The following SLC9B1 variants were observed in gnomAD, a reference collection of about 807,000 sequenced individuals.
SLC9B1 encodes the protein sodium/hydrogen exchanger 9B1.
A neutral mutation model predicts 51.7 loss-of-function variants in SLC9B1; 32 were observed. The ratio of observed to expected loss-of-function variants is 0.62; its 90% CI spans 0.47 to 0.83. SLC9B1 has a LOEUF of 0.83. Ranked by LOEUF, SLC9B1 falls within the 40% of genes least tolerant of loss-of-function variation. The probability of loss-of-function intolerance (pLI) is 0.00; values close to 1 mark genes in which losing one functional copy is unlikely to be tolerated. For synonymous variants in SLC9B1, 145 were observed against 212.7 expected (o/e 0.68, Z 2.77); for missense variants, 406 against 613.2 (o/e 0.66, Z 3.57).
chr4:102,987,790 C>T (rs1300576885), intron 3 of SLC9B1, among the ~76,000 whole-genome samples: 1 of 152,104 alleles, frequency 6.6e-6, no homozygotes, highest in Admixed American at 6.6e-5. Flanking sequence ...GGTTTTTGTA[C>T]CCTGCTCCTG....
intron 3 of SLC9B1, among the ~76,000 whole-genome samples, chr4:102,975,391 C>G (rs1190044192): frequency 6.6e-6 from 1 of 151,632 alleles, no homozygotes; most frequent in African/African-American, 2.4e-5. Context: ...AAGCCAGGAA[C>G]TCAAGTTTTT....
intron 1 of SLC9B1, among the ~76,000 whole-genome samples, chr4:103,009,804 G>T (rs947559508): frequency 2.6e-5 from 4 of 152,114 alleles, no homozygotes; most frequent in African/African-American, 9.7e-5. Context: ...TCAGATAAAA[G>T]ATTAACACAA....
chr4:102,892,415 T>C (rs183447777), intron 11 of SLC9B1: 1 of 152,316 alleles, frequency 6.6e-6, no homozygotes, highest in African/African-American at 2.4e-5. Context: ...AAGCATCACT[T>C]TAATATAAAA....
At chr4:102,957,994 C>T (rs1737895928) in intron 3 of SLC9B1, among the ~76,000 whole-genome samples, 1 of 152,068 alleles carries the variant, frequency 6.6e-6, no homozygotes, top group African/African-American at 2.4e-5. Flanking sequence ...ATTATAACCC[C>T]CAAAGGTACT....
intron 7 of SLC9B1, among the ~76,000 whole-genome samples, chr4:102,926,976 A>T (rs6843122): frequency 6.6e-6 from 1 of 151,864 alleles, no homozygotes; most frequent in African/African-American, 2.4e-5. Context: ...CTTTGACAAA[A>T]CTGAGAAAAA....
intron 1 of SLC9B1, among the ~76,000 whole-genome samples, chr4:103,006,061 C>T (rs1258777403): frequency 2.6e-5 from 4 of 151,828 alleles, no homozygotes; most frequent in Non-Finnish European, 5.9e-5. Context: ...GCAAACCAAC[C>T]CCAAGGTTAG....
At chr4:102,986,264 T>TC (rs1005279733) in intron 3 of SLC9B1, among the ~76,000 whole-genome samples, 8 of 111,674 alleles carry the variant, frequency 7.2e-5, no homozygotes, top group South Asian at 2.8e-4. Flanking sequence ...GTTTTTTTTT[T>TC]TTTCTCTCTC....
intron 11 of SLC9B1, among the ~76,000 whole-genome samples, chr4:102,903,389 G>A (rs527551605): frequency 1.3e-5 from 2 of 152,304 alleles, no homozygotes; most frequent in African/African-American, 4.8e-5. Context: ...ATATGCCAGA[G>A]AGAGTGCTAA....
At chr4:102,885,836 C>T (rs1733882519) in intron 11 of SLC9B1, among the ~76,000 whole-genome samples, 2 of 152,120 alleles carry the variant, frequency 1.3e-5, no homozygotes, top group African/African-American at 2.4e-5. Flanking sequence ...TTTGTTTTAA[C>T]CTGATACATC....
intron 3 of SLC9B1, among the ~76,000 whole-genome samples, chr4:102,968,023 CA>C (rs1305898048): frequency 6.6e-6 from 1 of 151,986 alleles, no homozygotes; most frequent in Non-Finnish European, 1.5e-5. Flanking sequence ...TATAGAAATA[CA>C]AAAATACCTA....
intron 7 of SLC9B1, among the ~76,000 whole-genome samples, chr4:102,929,211 A>G (rs1374379596): frequency 2.6e-5 from 4 of 152,230 alleles, no homozygotes; most frequent in Admixed American, 2.0e-4. Flanking sequence ...TTTCTTTAAT[A>G]TACAAGCTCC....
intron 3 of SLC9B1, among the ~76,000 whole-genome samples, chr4:102,955,222 T>G (rs1180901354): frequency 6.6e-6 from 1 of 152,216 alleles, no homozygotes; most frequent in Non-Finnish European, 1.5e-5. Context: ...CAAGATCTGA[T>G]GGCTTTATCA....
intron 6 of SLC9B1, among the ~76,000 whole-genome samples, chr4:102,940,204 C>G (rs1395734612): frequency 1.8e-4 from 28 of 152,144 alleles, no homozygotes; most frequent in Admixed American, 1.8e-3. Context: ...TTTCTATACA[C>G]CAACAACATC....
At chr4:102,969,593 G>A (rs1410243089) in intron 3 of SLC9B1, among the ~76,000 whole-genome samples, 4 of 152,166 alleles carry the variant, frequency 2.6e-5, no homozygotes, top group East Asian at 1.9e-4. Flanking sequence ...CCAAAGGATC[G>A]GAGCTCCTCG....
At chr4:103,007,751 T>G (rs1446178596) in intron 1 of SLC9B1, among the ~76,000 whole-genome samples, 1 of 151,856 alleles carries the variant, frequency 6.6e-6, no homozygotes, top group Admixed American at 6.6e-5. Flanking sequence ...ACTACAGACA[T>G]GTCATGTCTG....
intron 3 of SLC9B1, among the ~76,000 whole-genome samples, chr4:102,960,076 G>A (rs1738023041): frequency 6.6e-6 from 1 of 150,864 alleles, no homozygotes. Flanking sequence ...ACTAGTGTCA[G>A]GAAAAAAGAA....
chr4:102,995,197 C>A (rs895024704), intron 1 of SLC9B1, among the ~76,000 whole-genome samples: 1 of 152,062 alleles, frequency 6.6e-6, no homozygotes, highest in Non-Finnish European at 1.5e-5. Flanking sequence ...GGCAAAGCAG[C>A]CAATCAAAAC....
chr4:102,923,750 T>A (rs1736006779), intron 7 of SLC9B1, among the ~76,000 whole-genome samples: 2 of 152,078 alleles, frequency 1.3e-5, no homozygotes, highest in South Asian at 4.2e-4. Flanking sequence ...ATCACAAGCA[T>A]TCTTATACAC....
At chr4:102,989,708 T>C in intron 3 of SLC9B1, 92 bp downstream of exon 3, 1 of 805,024 alleles carries the variant, frequency 1.2e-6, no homozygotes, top group Admixed American at 3.4e-5. Flanking sequence ...CTGGAGTATA[T>C]TGATTAAGTA....
Sources: allele counts gnomAD v4.1 joint callset (sites outside exome capture counted in the v4.1 genomes callset), GRCh38; gene constraint gnomAD v4.1.1; transcripts MANE v1.5; gene names NCBI Gene and HGNC (gene_info 2026-07-23, HGNC 2026-07-21).